The following PPP6R2 variants were observed in gnomAD, a reference collection of about 807,000 sequenced individuals.
The protein encoded by PPP6R2 is protein phosphatase 6 regulatory subunit 2, also known as serine/threonine-protein phosphatase 6 regulatory subunit 2.
In PPP6R2, 62 loss-of-function variants were observed where a neutral mutation model predicts 100.2. The ratio of observed to expected loss-of-function variants is 0.62; its 90% confidence interval spans 0.50 to 0.76. The LOEUF is 0.76. Ranked by LOEUF, PPP6R2 falls within the 30% of genes least tolerant of loss-of-function variation. PPP6R2 has a pLI of 0.00. For missense variants in PPP6R2, 1,142 were observed against 1,276.3 expected (o/e 0.89, Z 1.60); for synonymous variants, 525 against 514.7 (o/e 1.02, Z -0.27).
intron 2 of PPP6R2, among the ~76,000 whole-genome samples, chr22:50,390,252 A>G (rs990753146): frequency 2.0e-5 from 3 of 152,074 alleles, no homozygotes; most frequent in Admixed American, 6.6e-5. Flanking sequence ...TCATCCTCCC[A>G]AAGTGCTGAG....
chr22:50,366,490 G>A (rs1238274386), intron 1 of PPP6R2, among the ~76,000 whole-genome samples: 1 of 152,016 alleles, frequency 6.6e-6, no homozygotes, highest in Non-Finnish European at 1.5e-5. Context: ...TTTTAGTAGA[G>A]ATGGAGTTTC....
At chr22:50,430,705 C>G (rs921892363) in intron 10 of PPP6R2, among the ~76,000 whole-genome samples, 3 of 152,004 alleles carry the variant, frequency 2.0e-5, no homozygotes, top group Non-Finnish European at 4.4e-5. Flanking sequence ...AAAATCCCGT[C>G]TCTACTAAAA....
intron 5 of PPP6R2, 145 bp from the exon 6 acceptor site, chr22:50,415,947 T>C (rs972280326): frequency 4.4e-5 from 31 of 707,026 alleles, no homozygotes; most frequent in East Asian, 2.8e-4. Flanking sequence ...TTGTGTGTTA[T>C]GTGTGTTCTT....
chr22:50,444,432 C>A lies in PPP6R2; in HGVS notation c.*185C>A. 1 of 752,134 alleles carries A rather than the reference C, an allele frequency of 1.3e-6. No homozygotes were observed. Among genetic ancestry groups the A allele is most frequent in the Non-Finnish European group, 2.1e-6 (1 of 477,496 alleles). 46.6% of individuals were successfully genotyped at this position (752,134 alleles called of 1,614,324 possible). A position where few individuals can be genotyped will look rare whatever the true frequency, so the allele number is the denominator to read the frequency against. ...TTGCGTCTCTTCTGCCTGAGTGGGC[C>A]TCTCAGGTCACTCGTGCCCTGCTGG... On this transcript the variant is annotated 3_prime_UTR_variant, in exon 24 of 24. Transcript: ENST00000612753.
At chr22:50,350,627 C>T (rs62241245) in intron 1 of PPP6R2, among the ~76,000 whole-genome samples, 132,769 of 150,114 alleles carry the variant, frequency 0.88, 58,873 homozygotes, top group African/African-American at 0.97. Context: ...AGGCAGATCA[C>T]GAGGTCAGGA....
intron 2 of PPP6R2, among the ~76,000 whole-genome samples, chr22:50,375,389 A>C (rs1004432444): frequency 1.3e-5 from 2 of 152,188 alleles, no homozygotes; most frequent in African/African-American, 4.8e-5. Context: ...TTTTGTCCTG[A>C]GGGCATTTGC....
chr22:50,377,902 G>A (rs914245380), intron 2 of PPP6R2, among the ~76,000 whole-genome samples: 6 of 152,048 alleles, frequency 3.9e-5, no homozygotes, highest in African/African-American at 7.2e-5. Context: ...AGCTACTCAC[G>A]AGGCTGAGGT....
At chr22:50,367,417 G>A (rs2048989381) in intron 1 of PPP6R2, among the ~76,000 whole-genome samples, 1 of 152,094 alleles carries the variant, frequency 6.6e-6, no homozygotes, top group Non-Finnish European at 1.5e-5. Flanking sequence ...GGCAAAAGAA[G>A]GCTTATATCC....
upstream of PPP6R2, among the ~76,000 whole-genome samples, chr22:50,339,103 A>T (rs1473110031): frequency 2.4e-5 from 2 of 84,556 alleles, no homozygotes; most frequent in Admixed American, 1.5e-4. Context: ...TGTGGTATGT[A>T]GTGTGGTATG....
chr22:50,358,928 C>T (rs1178721662), intron 1 of PPP6R2, among the ~76,000 whole-genome samples: 6 of 149,202 alleles, frequency 4.0e-5, no homozygotes, highest in Admixed American at 6.8e-5. Context: ...GTGTTAACAC[C>T]GCGATGTCTT....
intron 1 of PPP6R2, among the ~76,000 whole-genome samples, chr22:50,355,513 G>A (rs1159256107): frequency 6.8e-6 from 1 of 147,992 alleles, no homozygotes; most frequent in Non-Finnish European, 1.5e-5. Flanking sequence ...ACAAGCGTGA[G>A]CCACTGCGCC....
Position 50,432,256 on chromosome 22 carries a change from GC to G in PPP6R2, c.1336-3del, listed in dbSNP as rs1473600210. 1 of 1,549,350 alleles carries G rather than the reference GC, an allele frequency of 6.5e-7. No individual in the cohort carries two copies. Among genetic ancestry groups the G allele is most frequent in the Non-Finnish European group, 8.7e-7 (1 of 1,146,636 alleles). Reference sequence around the variant, plus strand: ...CTGACTCACGCTGTCCCCCTGCCCCGCCCCCCAGCTGTTCCAGAAGTGCTGC... The same window carrying G: ...CTGACTCACGCTGTCCCCCTGCCCCGCCCCCAGCTGTTCCAGAAGTGCTGC... On this transcript the variant is annotated splice_polypyrimidine_tract_variant and splice_region_variant and intron_variant, in intron 11 of 23. Transcript: ENST00000612753.
intron 22 of PPP6R2, 85 bp downstream of exon 22, chr22:50,441,111 G>T: frequency 1.4e-5 from 17 of 1,191,900 alleles, no homozygotes; most frequent in Non-Finnish European, 2.0e-5. Flanking sequence ...GCTCCCCTGA[G>T]AGGAGGTGAG....
rs1329960143 is a variant in PPP6R2, at chr22:50,423,623, G to A, written c.1125+9G>A. On this transcript the variant is annotated intron_variant, in intron 10 of 23. Coordinates refer to ENST00000612753, the MANE Select transcript of PPP6R2 (RefSeq NM_001242898.2). This position sits in a 1 kb window ranked among gnomAD's most constrained non-coding sequence, Gnocchi z 4.8. ...CGATGGACTTACTGCTGGTAAGTGG[G>A]CCCCTCAGCCAGCCCTGCATGTCTG... is the stretch of plus-strand genomic sequence containing the variant. 6.2e-7 allele frequency: 1 copy of A among 1,613,922 alleles called. No individual in the cohort carries two copies. Among genetic ancestry groups the A allele is most frequent in the Non-Finnish European group, 8.5e-7 (1 of 1,179,974 alleles).
At chr22:50,355,043 C>CACTG (rs2046168908) in intron 1 of PPP6R2, among the ~76,000 whole-genome samples, 2 of 151,560 alleles carry the variant, frequency 1.3e-5, no homozygotes, top group Non-Finnish European at 2.9e-5. Flanking sequence ...GGGCCTTGCT[C>CACTG]TATTGCCCAG....
Position 50,440,923 on chromosome 22 carries a change from G to A in PPP6R2, c.2476G>A (p.Gly826Ser). The change falls in exon 22 of 24, where the codon GGC (glycine) becomes AGC (serine). Residue 826 changes from glycine to serine, a missense_variant. Physicochemically the swap from Gly to Ser is moderately conservative, Grantham distance 56. Around this residue, in one of 2 missense-constraint regions of PPP6R2, gnomAD observed 550 missense variants for 517.4 expected, o/e 1.06. Transcript: ENST00000612753. ...CTCTGGGGGCTCCCACAGCGAGGAT[G>A]GCGACCAGAAGGCAGCGAGTGCCAT... is the stretch of plus-strand genomic sequence containing the variant. ...SSSGGSHSED[G>S]DQKAASAMDA... The A allele has an allele frequency of 6.2e-7, 1 of 1,613,742 alleles. No homozygotes were observed. The highest frequency in any genetic ancestry group is 8.5e-7 in the Non-Finnish European group (1 of 1,180,006).
intron 6 of PPP6R2, among the ~76,000 whole-genome samples, chr22:50,417,921 G>A (rs990299797): frequency 2.6e-5 from 4 of 152,190 alleles, no homozygotes; most frequent in Non-Finnish European, 4.4e-5. Flanking sequence ...GGGAGTCAGG[G>A]GTTGTTTCTC....
chr22:50,440,183 G>T, intron 21 of PPP6R2, 134 bp downstream of exon 21: 2 of 824,134 alleles, frequency 2.4e-6, no homozygotes, highest in Non-Finnish European at 1.9e-6. Context: ...GTGACATTGG[G>T]GTTTGATACA....
Position 50,444,445 on chromosome 22 carries a change from C to A in PPP6R2, c.*198C>A. On this transcript the variant is annotated 3_prime_UTR_variant, in exon 24 of 24. Transcript: ENST00000612753. ...GCCTGAGTGGGCCTCTCAGGTCACT[C>A]GTGCCCTGCTGGAGGACAGAGGGGC... 1.7e-6 allele frequency: 1 copy of A among 586,016 alleles called. No individual in the cohort carries two copies. Among genetic ancestry groups the A allele is most frequent in the Non-Finnish European group, 2.8e-6 (1 of 360,060 alleles). 36.3% of individuals were successfully genotyped at this position (586,016 alleles called of 1,614,324 possible).
Sources: gnomAD v4.1 joint callset for allele counts (sites outside exome capture counted in the v4.1 genomes callset) on GRCh38, gnomAD v4.1.1 for gene constraint, gnomAD v4.1.1 regional missense constraint, Gnocchi (gnomAD v3.1) non-coding constraint, MANE v1.5 for transcripts, NCBI Gene and HGNC (gene_info 2026-07-23, HGNC 2026-07-21) for gene names.